Variants in NEBL observed in about 807,000 individuals in gnomAD.
NEBL encodes the protein nebulette, also known as LIM and SH3 protein 2.
Under a neutral mutation model 140.2 loss-of-function variants are expected in NEBL, and 122 were observed. The ratio of observed to expected loss-of-function variants is 0.87; its 90% CI spans 0.75 to 1.01. The LOEUF (loss-of-function observed/expected upper bound fraction) is 1.01. Ranked by LOEUF, NEBL falls within the 50% of genes least tolerant of loss-of-function variation. The probability of loss-of-function intolerance (pLI) is 0.00; values close to 1 mark genes in which losing one functional copy is unlikely to be tolerated. For synonymous variants in NEBL, 436 were observed against 398.9 expected, an observed-to-expected ratio of 1.09 and a Z score of -1.11; for missense variants, 1,365 against 1,231.3, an observed-to-expected ratio of 1.11 and a Z score of -1.62.
intron 4 of NEBL, among the ~76,000 whole-genome samples, chr10:20,929,792 G>C (rs551202562): frequency 6.6e-6 from 1 of 152,266 alleles, no homozygotes; most frequent in East Asian, 1.9e-4. Context: ...GTTACGAAAT[G>C]AGTACAGGGT....
At chr10:20,839,886 C>A (rs1307952050) in intron 13 of NEBL, among the ~76,000 whole-genome samples, 2 of 151,966 alleles carry the variant, frequency 1.3e-5, no homozygotes, top group Middle Eastern at 3.2e-3. Context: ...TAAGTGGGTT[C>A]ATTGCATGGA....
At chr10:20,996,484 T>A (rs1405502407) in intron 3 of NEBL, among the ~76,000 whole-genome samples, 1 of 152,186 alleles carries the variant, frequency 6.6e-6, no homozygotes, top group Non-Finnish European at 1.5e-5. Flanking sequence ...GATCGATGCC[T>A]TATCACCAAC....
At position 21,224,952 on chromosome 10, in the gene NEBL, G is replaced by A. The variant is rs568858207; in HGVS notation, n.348+22969C>T. On this transcript the variant is annotated intron_variant and non_coding_transcript_variant, in intron 3 of 8. Coordinates refer to the NEBL transcript ENST00000675702. ...ATAAGATCATATCATTTACAAAGAG[G>A]ATACTTTTACTCCTTCCTTTCCAAT... is the stretch of plus-strand genomic sequence containing the variant. 1.1e-4 allele frequency among the ~76,000 whole-genome samples: 16 copies of A among 152,146 alleles called. No homozygotes were observed. The South Asian group carries it at 1.5e-3, about 14-fold the overall frequency.
upstream of NEBL, among the ~76,000 whole-genome samples, chr10:20,898,902 G>A (rs149075710): frequency 4.6e-3 from 701 of 152,198 alleles, 6 homozygotes; most frequent in African/African-American, 0.016. Flanking sequence ...CTCCTAAAAT[G>A]TTGTGTTCTA....
rs71578959 is a variant in NEBL, at chr10:20,814,323, C to T, written c.2242-280G>A. ...TCTAGTCTGTAAACCTGCGCAAGCC[C>T]GAGGACTCGTATCTGTAATCACAGC... On this transcript the variant is annotated intron_variant, in intron 22 of 27. Transcript: ENST00000377122. Among the ~76,000 whole-genome samples the T allele has an allele frequency of 3.7e-3, 562 of 151,868 alleles. 21 individuals carry two copies. In the East Asian group the frequency reaches 0.095, roughly 26 times the overall value.
chr10:20,924,413 TAAAAA>T (rs71390800), intron 4 of NEBL, among the ~76,000 whole-genome samples: 25 of 59,060 alleles, frequency 4.2e-4, no homozygotes, highest in African/African-American at 1.7e-3. Context: ...AGGCATGAAG[TAAAAA>T]AAAAAAAAAA....
intron 2 of NEBL, among the ~76,000 whole-genome samples, chr10:21,108,106 A>G: frequency 6.6e-6 from 1 of 152,260 alleles, no homozygotes; most frequent in African/African-American, 2.4e-5. Context: ...ATCTTTTCAA[A>G]AAAACAGCTC....
intron 2 of NEBL, 119 bp downstream of exon 2, chr10:20,896,839 G>C: frequency 1.1e-6 from 1 of 907,014 alleles, no homozygotes; most frequent in South Asian, 1.3e-5. Context: ...CCATGATCTG[G>C]AAAGTGACTG....
chr10:20,972,642 G>T (rs887898648), intron 3 of NEBL, among the ~76,000 whole-genome samples: 3 of 152,124 alleles, frequency 2.0e-5, no homozygotes, highest in African/African-American at 7.2e-5. Context: ...AGCTACTCGG[G>T]AGGCTGAGGC....
chr10:21,016,362 A>G, intron 3 of NEBL, among the ~76,000 whole-genome samples: 1 of 152,230 alleles, frequency 6.6e-6, no homozygotes, highest in East Asian at 1.9e-4. Flanking sequence ...GGCACCTGAT[A>G]TAGATTCCAA....
intron 2 of NEBL, among the ~76,000 whole-genome samples, chr10:21,042,630 C>G (rs1482332252): frequency 6.6e-6 from 1 of 152,166 alleles, no homozygotes; most frequent in Non-Finnish European, 1.5e-5. Context: ...TCATGTAATG[C>G]CAGCTTGATG....
At chr10:21,091,233 C>A (rs534526253) in intron 2 of NEBL, among the ~76,000 whole-genome samples, 23 of 152,298 alleles carry the variant, frequency 1.5e-4, no homozygotes, top group Non-Finnish European at 2.8e-4. Flanking sequence ...TCTACACATG[C>A]AATTCCATTG....
intron 2 of NEBL, among the ~76,000 whole-genome samples, chr10:21,104,133 A>G (rs992026985): frequency 6.6e-6 from 1 of 152,174 alleles, no homozygotes; most frequent in Non-Finnish European, 1.5e-5. Flanking sequence ...TTCTACCTGT[A>G]TGATATTACC....
chr10:20,842,826 C>T (rs1293773200), intron 12 of NEBL, among the ~76,000 whole-genome samples: 1 of 151,964 alleles, frequency 6.6e-6, no homozygotes, highest in African/African-American at 2.4e-5. Context: ...AGTATTCCTC[C>T]CGTTTAGAGA....
At chr10:20,937,280 C>G (rs1834542417) in intron 4 of NEBL, among the ~76,000 whole-genome samples, 1 of 152,166 alleles carries the variant, frequency 6.6e-6, no homozygotes, top group Non-Finnish European at 1.5e-5. Flanking sequence ...TATTTAACAG[C>G]AACTTTCTTC....
At chr10:21,261,638 C>T (rs978615913) in intron 1 of NEBL, among the ~76,000 whole-genome samples, 2 of 150,890 alleles carry the variant, frequency 1.3e-5, no homozygotes, top group South Asian at 2.1e-4. Context: ...CAGAGTGAGA[C>T]CCTGTCTCAA....
chr10:21,256,268 T>C (rs779901930), intron 1 of NEBL, among the ~76,000 whole-genome samples: 22 of 151,912 alleles, frequency 1.4e-4, no homozygotes, highest in Non-Finnish European at 2.6e-4. Flanking sequence ...GGGTGTCACC[T>C]TGTTGGCCAG....
chr10:20,804,891 A>G (rs1837463509), intron 26 of NEBL, among the ~76,000 whole-genome samples: 1 of 152,186 alleles, frequency 6.6e-6, no homozygotes. Flanking sequence ...ATCATTCCAG[A>G]TGTCAGGTGG....
chr10:21,083,407 G>A (rs1446898773), intron 2 of NEBL, among the ~76,000 whole-genome samples: 1 of 152,104 alleles, frequency 6.6e-6, no homozygotes, highest in East Asian at 1.9e-4. Flanking sequence ...CCTCCTTGTA[G>A]CAATGATCTG....
Sources: allele counts gnomAD v4.1 joint callset (sites outside exome capture counted in the v4.1 genomes callset), GRCh38; gene constraint gnomAD v4.1.1; transcripts MANE v1.5; gene names NCBI Gene and HGNC (gene_info 2026-07-23, HGNC 2026-07-21).